HELZ: variants seen among roughly 807,000 people sequenced by gnomAD.
HELZ encodes ATP-dependent RNA helicase with zinc finger domain.
HELZ carries 23 observed loss-of-function variants against 218.2 expected under a neutral mutation model. That is an observed-to-expected ratio of 0.11 (90% CI 0.08 to 0.15). The LOEUF (loss-of-function observed/expected upper bound fraction) is 0.15, where lower values mean the gene tolerates loss of function less well. HELZ is among the 10% of genes least tolerant of loss of function. The pLI, the probability that HELZ is intolerant of heterozygous loss-of-function variation, is 1.00. For synonymous variants in HELZ, 814 were observed against 829.4 expected (o/e 0.98, Z 0.32); for missense variants, 1,813 against 2,353.7 (o/e 0.77, Z 4.75).
At chr17:67,174,894 T>G (rs995728952) in intron 13 of HELZ, among the ~76,000 whole-genome samples, 2 of 152,190 alleles carry the variant, frequency 1.3e-5, no homozygotes, top group Non-Finnish European at 2.9e-5. Context: ...ATCCTACTAA[T>G]TGTGTGGCAG....
chr17:67,237,565 T>A (rs1244358253), intron 3 of HELZ, among the ~76,000 whole-genome samples: 2 of 151,252 alleles, frequency 1.3e-5, no homozygotes, highest in African/African-American at 4.8e-5. Flanking sequence ...GTAGATAGAT[T>A]TTTTTTTTAA....
chr17:67,151,586 A>G (rs1478444357), intron 17 of HELZ, among the ~76,000 whole-genome samples: 3 of 152,204 alleles, frequency 2.0e-5, no homozygotes, highest in African/African-American at 7.2e-5. Context: ...TTTTTCTAGA[A>G]CGTTCTTACA....
intron 21 of HELZ, among the ~76,000 whole-genome samples, chr17:67,140,168 T>TG (rs1567834404): frequency 6.6e-6 from 1 of 152,214 alleles, no homozygotes; most frequent in Non-Finnish European, 1.5e-5. Flanking sequence ...CGGCACCAGC[T>TG]GGATGGAAGC....
chr17:67,129,357 CATACACATAT>C (rs999911735), intron 23 of HELZ, among the ~76,000 whole-genome samples: 181 of 151,676 alleles, frequency 1.2e-3, no homozygotes, highest in African/African-American at 4.1e-3. Flanking sequence ...TATGCACATA[CATACACATAT>C]ATACACATAC....
Position 67,109,139 on chromosome 17 carries a change from C to G in HELZ, c.4466G>C (p.Gly1489Ala). Residue 1489 changes from glycine (G) to alanine (A), a missense_variant, in exon 29 of 33, where the codon GGA becomes GCA. Physicochemically the swap from Gly to Ala is moderately conservative, Grantham distance 60. Coordinates refer to ENST00000358691, the MANE Select transcript of HELZ (RefSeq NM_014877.4). ...LNSFIDENPSGLPIGEALDRI... is the reference protein window; with the variant it reads ...LNSFIDENPSALPIGEALDRI... ...ACCTAAAGCCTCCCCTATAGGTAAT[C>G]CCGAGGGGTTCTCATCAATGAAGCT... The G allele has an allele frequency of 6.2e-7, 1 of 1,612,784 alleles. No individual in the cohort carries two copies. Among genetic ancestry groups the G allele is most frequent in the Non-Finnish European group, 8.5e-7 (1 of 1,179,626 alleles).
At chr17:67,245,951 A>C (rs548604040), upstream of HELZ, 3 of 152,004 alleles carry the variant, frequency 2.0e-5, no homozygotes, top group Admixed American at 6.5e-5. Context: ...CGGGCTGCGG[A>C]CTGTGACTCC....
At chr17:67,081,868 A>T (rs2036202308) in intron 32 of HELZ, among the ~76,000 whole-genome samples, 2 of 152,102 alleles carry the variant, frequency 1.3e-5, no homozygotes. Context: ...ATTACTTTGG[A>T]AACCAAAAGA....
chr17:67,119,852 A>C (rs2143818613), intron 27 of HELZ: 1 of 356,160 alleles, frequency 2.8e-6, no homozygotes, highest in South Asian at 2.1e-5. Context: ...TTTTTTCAGA[A>C]ACTCAGTGAC....
chr17:67,101,027 A>C (rs537156144), intron 31 of HELZ, among the ~76,000 whole-genome samples: 3 of 150,798 alleles, frequency 2.0e-5, no homozygotes, highest in African/African-American at 4.9e-5. Flanking sequence ...GGAGAATGGC[A>C]TGAACCCGGG....
chr17:67,213,068 C>T (rs1297255510), intron 5 of HELZ, among the ~76,000 whole-genome samples: 4 of 152,156 alleles, frequency 2.6e-5, no homozygotes, highest in Non-Finnish European at 4.4e-5. Context: ...TGTCCATATG[C>T]TCCTTCAGCA....
At chr17:67,127,050 C>G (rs977973067) in intron 24 of HELZ, among the ~76,000 whole-genome samples, 13 of 152,130 alleles carry the variant, frequency 8.5e-5, no homozygotes, top group African/African-American at 3.1e-4. Context: ...GTGAGAGCAA[C>G]AAATAATACA....
chr17:67,224,838 G>C, intron 3 of HELZ: 2 of 1,003,574 alleles, frequency 2.0e-6, no homozygotes, highest in Non-Finnish European at 3.1e-6. Context: ...CCCAGGGAAA[G>C]CAGCGTTATG....
chr17:67,199,147 A>C (rs1211293454), intron 7 of HELZ, among the ~76,000 whole-genome samples: 1 of 152,152 alleles, frequency 6.6e-6, no homozygotes, highest in African/African-American at 2.4e-5. Flanking sequence ...TACTTCTTAG[A>C]AATTAAAACG....
chr17:67,201,427 C>T (rs993678514), intron 6 of HELZ, among the ~76,000 whole-genome samples: 2 of 152,116 alleles, frequency 1.3e-5, no homozygotes, highest in African/African-American at 4.8e-5. Context: ...CTGTATTCAC[C>T]TTACATTAAT....
In HELZ at chr17:67,087,004, T is replaced by C. The variant is rs779392133; in HGVS notation, c.5319A>G (p.Glu1773=). 3 of 1,614,082 alleles carry C rather than the reference T, an allele frequency of 1.9e-6. No individual in the cohort carries two copies. The highest frequency in any genetic ancestry group is 1.1e-5 in the South Asian group (1 of 91,078). The change falls in exon 32 of 33, where the codon GAA becomes GAG. Residue 1773 remains glutamate (E), a synonymous_variant. Coordinates refer to ENST00000358691, the MANE Select transcript of HELZ (RefSeq NM_014877.4). The stretch of plus-strand genomic sequence containing the variant: ...CCAGACTGTCTTGAGGAGTGCTTAC[T>C]TCTTCAGAACAAGGTTGAACTGAGC... ...SSSSVQPCSE[E]VSTPQDSLAQ...
At chr17:67,114,016 C>T (rs1458499562) in intron 28 of HELZ, among the ~76,000 whole-genome samples, 2 of 152,134 alleles carry the variant, frequency 1.3e-5, no homozygotes, top group Non-Finnish European at 1.5e-5. Context: ...TCCTTCTTCA[C>T]GATAATGACA....
intron 3 of HELZ, among the ~76,000 whole-genome samples, chr17:67,232,853 G>A (rs1030351307): frequency 1.3e-5 from 2 of 152,176 alleles, no homozygotes; most frequent in African/African-American, 4.8e-5. Context: ...ACCAGCCTGG[G>A]CTTGGCGCAG....
chr17:67,187,512 A>T (rs1367022344), intron 12 of HELZ, among the ~76,000 whole-genome samples: 1 of 152,240 alleles, frequency 6.6e-6, no homozygotes. Context: ...ACATTATGGT[A>T]CATAGTAAAA....
At chr17:67,211,721 C>T (rs1444033260) in intron 5 of HELZ, among the ~76,000 whole-genome samples, 5 of 151,550 alleles carry the variant, frequency 3.3e-5, no homozygotes, top group African/African-American at 7.3e-5. Context: ...ATTAGCTGGG[C>T]GTGGTAGCAG....
Sources: gnomAD v4.1 joint callset for allele counts (sites outside exome capture counted in the v4.1 genomes callset) on GRCh38, gnomAD v4.1.1 for gene constraint, MANE v1.5 for transcripts, NCBI Gene and HGNC (gene_info 2026-07-23, HGNC 2026-07-21) for gene names.